TRIO: variants seen among roughly 807,000 people sequenced by gnomAD.
TRIO encodes triple functional domain protein.
Under a neutral mutation model 351.9 loss-of-function variants are expected in TRIO, and 58 were observed. The ratio of observed to expected loss-of-function variants is 0.16; its 90% CI spans 0.13 to 0.21. The LOEUF is 0.21. Among genes scored for constraint, TRIO ranks in the 10% least tolerant of loss-of-function variants. TRIO has a pLI of 1.00. For synonymous variants in TRIO, 1,758 were observed against 1,595.7 expected, an observed-to-expected ratio of 1.10 and a Z score of -2.42; for missense variants, 3,201 against 4,027.8, an observed-to-expected ratio of 0.79 and a Z score of 5.56.
intron 1 of TRIO, among the ~76,000 whole-genome samples, chr5:14,257,261 A>C (rs1309625787): frequency 6.6e-6 from 1 of 152,206 alleles, no homozygotes; most frequent in Non-Finnish European, 1.5e-5. Context: ...AGCAAGGGTG[A>C]GGCCGCAGCT....
intron 15 of TRIO, 101 bp from the exon 16 acceptor site, chr5:14,366,759 G>A (rs1744630209): frequency 6.6e-7 from 1 of 1,526,266 alleles, no homozygotes; most frequent in Non-Finnish European, 8.9e-7. Context: ...GTACCTGCCA[G>A]GAGCAACTGG....
At chr5:14,331,969 A>G (rs760438268) in intron 10 of TRIO, among the ~76,000 whole-genome samples, 3 of 152,220 alleles carry the variant, frequency 2.0e-5, no homozygotes, top group Non-Finnish European at 4.4e-5. Context: ...TGTCAGGAAG[A>G]TACTCTTTCA....
intron 12 of TRIO, among the ~76,000 whole-genome samples, chr5:14,358,861 C>T (rs1442951072): frequency 1.3e-5 from 2 of 152,114 alleles, no homozygotes; most frequent in African/African-American, 2.4e-5. Context: ...GTCAGGGGGA[C>T]CATTTAACCC....
Position 14,390,882 on chromosome 5 carries a change from T to A in TRIO, c.4129-19T>A. On this transcript the variant is annotated intron_variant, in intron 26 of 56. Transcript: ENST00000344204. Reference sequence around the variant, plus strand: ...ACTTGTTATGATTTAAATGAGATCTTTTTTTTTTTGGCTTACAGGCAGACA... The same window carrying A: ...ACTTGTTATGATTTAAATGAGATCTATTTTTTTTTGGCTTACAGGCAGACA... 2.1e-6 allele frequency: 3 copies of A among 1,428,992 alleles called. No individual in the cohort carries two copies. The highest frequency in any genetic ancestry group is 2.8e-6 in the Non-Finnish European group (3 of 1,057,026). 88.5% of individuals were successfully genotyped at this position (1,428,992 alleles called of 1,614,324 possible).
At position 14,508,569 on chromosome 5, in the gene TRIO, T is replaced by C; in HGVS notation, c.*147T>C. The C allele has an allele frequency of 1.3e-5, 14 of 1,055,008 alleles. No homozygotes were observed. The South Asian group carries it at 2.2e-4, about 16-fold the overall frequency. 65.4% of individuals were successfully genotyped at this position (1,055,008 alleles called of 1,614,324 possible). A position where few individuals can be genotyped will look rare whatever the true frequency, so the allele number is the denominator to read the frequency against. ...ATTCCAAGTGAGCTGTGCTCAGCAG[T>C]GCTTGGACACAGAGCTGCAAGCTGC... On this transcript the variant is annotated 3_prime_UTR_variant, in exon 57 of 57. Transcript: ENST00000344204.
At chr5:14,300,149 C>T (rs903974458) in intron 7 of TRIO, among the ~76,000 whole-genome samples, 3 of 152,204 alleles carry the variant, frequency 2.0e-5, no homozygotes, top group African/African-American at 7.2e-5. Context: ...CTCCAGCCTT[C>T]GCTTGTCTTG....
At chr5:14,453,014 C>CT (rs1474306030) in intron 34 of TRIO, among the ~76,000 whole-genome samples, 1 of 152,122 alleles carries the variant, frequency 6.6e-6, no homozygotes, top group Non-Finnish European at 1.5e-5. Flanking sequence ...TGGTGAAACT[C>CT]TCTCCTGCGT....
intron 21 of TRIO, 132 bp downstream of exon 21, chr5:14,381,384 G>A: frequency 8.6e-7 from 1 of 1,163,710 alleles, no homozygotes; most frequent in Non-Finnish European, 1.2e-6. Flanking sequence ...ACTGGAGGAT[G>A]CTTCCTCCTT....
chr5:14,153,145 G>C (rs547676603), intron 1 of TRIO, among the ~76,000 whole-genome samples: 2 of 152,368 alleles, frequency 1.3e-5, no homozygotes, highest in East Asian at 3.9e-4. Flanking sequence ...GAATCACACA[G>C]ATTTTCGGTG....
intron 53 of TRIO, among the ~76,000 whole-genome samples, chr5:14,500,485 T>C (rs978513910): frequency 3.3e-5 from 5 of 152,186 alleles, no homozygotes; most frequent in Admixed American, 6.5e-5. Context: ...GTCCTGAGGC[T>C]GGAGGCATTG....
intron 11 of TRIO, among the ~76,000 whole-genome samples, chr5:14,352,486 G>A (rs476930): frequency 0.86 from 131,271 of 152,280 alleles, 56,808 homozygotes; most frequent in African/African-American, 0.91. Flanking sequence ...GTTTTTTCTC[G>A]TTGCTTTATT....
At chr5:14,488,444 G>A in intron 48 of TRIO, 184 bp downstream of exon 48, 1 of 821,250 alleles carries the variant, frequency 1.2e-6, no homozygotes, top group Non-Finnish European at 1.8e-6. Context: ...ACTACTCCTT[G>A]CTTTGTTCGT....
rs1012282058 is a variant in TRIO at position 14,286,570 on chromosome 5, G to C, written c.348-301G>C. ...GTAATCAATTAATGCACCAAAGTCA[G>C]GAGAAATGGGCATGGTGACCGTTGT... is the stretch of plus-strand genomic sequence containing the variant. On this transcript the variant is annotated intron_variant, in intron 3 of 56. Transcript: ENST00000344204. The surrounding 1 kb of genome is among the most constrained non-coding windows in gnomAD (Gnocchi z 4.4). 3.9e-5 allele frequency among the ~76,000 whole-genome samples: 6 copies of C among 152,170 alleles called. No homozygotes were observed. Among genetic ancestry groups the C allele is most frequent in the African/African-American group, 1.4e-4 (6 of 41,430 alleles).
At chr5:14,403,745 A>G (rs1479268729) in intron 31 of TRIO, among the ~76,000 whole-genome samples, 3 of 52,094 alleles carry the variant, frequency 5.8e-5, no homozygotes, top group Non-Finnish European at 1.1e-4. Context: ...GGTGGTGGTG[A>G]GGGTGCAGGT....
intron 33 of TRIO, among the ~76,000 whole-genome samples, chr5:14,411,977 T>C (rs1190372024): frequency 6.8e-6 from 1 of 147,728 alleles, no homozygotes; most frequent in Admixed American, 6.7e-5. Flanking sequence ...GTTGTTTTTT[T>C]TCTTTCTTTC....
Position 14,487,574 on chromosome 5 carries a change from G to GGCGGCA in TRIO, c.6952_6957dup (p.Ser2318_Gly2319dup). 8.8e-7 allele frequency: 1 copy of GGCGGCA among 1,129,946 alleles called. No homozygotes were observed. The highest frequency in any genetic ancestry group is 4.3e-5 in the South Asian group (1 of 23,352). The allele number at this position is 1,129,946 out of a possible 1,614,324, so 70.0% of individuals were successfully genotyped here. A position where few individuals can be genotyped will look rare whatever the true frequency, so the allele number is the denominator to read the frequency against. On this transcript the variant is annotated inframe_insertion, in exon 48 of 57. Transcript: ENST00000344204. ...CAGCGGCGGCGGCGGGGCCCCCAGT[G>GGCGGCA]GCGGCAGCGGCCACAGTGGCGGCCC...
At chr5:14,377,193 C>T (rs1745633947) in intron 19 of TRIO, among the ~76,000 whole-genome samples, 1 of 149,750 alleles carries the variant, frequency 6.7e-6, no homozygotes, top group Non-Finnish European at 1.5e-5. Context: ...TCATGCTTCT[C>T]TGCTTCCCCA....
At chr5:14,452,011 G>A (rs896976335) in intron 34 of TRIO, among the ~76,000 whole-genome samples, 11 of 152,258 alleles carry the variant, frequency 7.2e-5, no homozygotes, top group African/African-American at 2.4e-4. Flanking sequence ...CTCTCCTGCT[G>A]TTGAGCAGGG....
At chr5:14,187,725 G>A (rs1474231198) in intron 1 of TRIO, among the ~76,000 whole-genome samples, 1 of 152,204 alleles carries the variant, frequency 6.6e-6, no homozygotes, top group Non-Finnish European at 1.5e-5. Flanking sequence ...TTTATTTTAT[G>A]TGAAGTACTT....
Sources: allele counts gnomAD v4.1 joint callset (sites outside exome capture counted in the v4.1 genomes callset), GRCh38; gene constraint gnomAD v4.1.1; non-coding constraint Gnocchi (gnomAD v3.1); transcripts MANE v1.5; gene names NCBI Gene and HGNC (gene_info 2026-07-23, HGNC 2026-07-21).